The following FIG4 variants were observed in gnomAD, a reference collection of about 807,000 sequenced individuals.
The protein encoded by FIG4 is FIG4 phosphoinositide 5-phosphatase, also known as polyphosphoinositide phosphatase.
FIG4 carries 112 observed loss-of-function variants against 118.6 expected under a neutral mutation model. That is an observed-to-expected ratio of 0.94 (90% confidence interval 0.81 to 1.11). FIG4 has a LOEUF of 1.11. Ranked by LOEUF, FIG4 falls within the 50% of genes least tolerant of loss-of-function variation. FIG4 has a pLI of 0.00. For synonymous variants in FIG4, 369 were observed against 381.2 expected, an observed-to-expected ratio of 0.97 and a Z score of 0.37; for missense variants, 969 against 1,111.7, an observed-to-expected ratio of 0.87 and a Z score of 1.83.
At chr6:109,774,805 T>A (rs1777571080) in intron 15 of FIG4, among the ~76,000 whole-genome samples, 1 of 152,196 alleles carries the variant, frequency 6.6e-6, no homozygotes, top group African/African-American at 2.4e-5. Context: ...GGTATTTATT[T>A]CAATGTCTGA....
At chr6:109,693,707 CT>C (rs1217044618) in intron 1 of FIG4, among the ~76,000 whole-genome samples, 1 of 152,130 alleles carries the variant, frequency 6.6e-6, no homozygotes, top group African/African-American at 2.4e-5. Context: ...TTATCATCCC[CT>C]GAGTGGACAA....
intron 21 of FIG4, among the ~76,000 whole-genome samples, chr6:109,793,448 G>A (rs1053525330): frequency 2.6e-5 from 4 of 152,192 alleles, no homozygotes; most frequent in African/African-American, 7.2e-5. Flanking sequence ...GAAATCATGT[G>A]CATAATTTCG....
chr6:109,756,180 T>G (rs1458914984), intron 10 of FIG4, among the ~76,000 whole-genome samples: 1 of 152,168 alleles, frequency 6.6e-6, no homozygotes, highest in Non-Finnish European at 1.5e-5. Context: ...GTATTTTATT[T>G]CTCCTTTACT....
At position 109,791,351 on chromosome 6, in the gene FIG4, CACTTCCATATTATT is replaced by C; in HGVS notation, c.2181-24_2181-11del. 6.3e-7 allele frequency: 1 copy of C among 1,596,680 alleles called. No individual in the cohort carries two copies. Among genetic ancestry groups the C allele is most frequent in the Non-Finnish European group, 8.6e-7 (1 of 1,167,720 alleles). On this transcript the variant is annotated splice_polypyrimidine_tract_variant and intron_variant, in intron 19 of 22. Transcript: ENST00000230124. ...GTTGAGGGTTAGTTTAAAGATGCTT[CACTTCCATATTATT>C]CTTTTAAAAGAAACAAAAGCAATAG... is the stretch of plus-strand genomic sequence containing the variant.
chr6:109,692,644 C>G (rs1413892711), intron 1 of FIG4, among the ~76,000 whole-genome samples: 4 of 151,998 alleles, frequency 2.6e-5, no homozygotes, highest in Admixed American at 6.5e-5. Context: ...GAAATGAAAC[C>G]TATTTTCTGT....
At chr6:109,709,635 C>CT (rs1166142228) in intron 1 of FIG4, among the ~76,000 whole-genome samples, 1 of 152,150 alleles carries the variant, frequency 6.6e-6, no homozygotes, top group Non-Finnish European at 1.5e-5. Flanking sequence ...TCTCTGATTT[C>CT]TTTGAGCAGT....
intron 1 of FIG4, among the ~76,000 whole-genome samples, chr6:109,695,560 A>G (rs77848403): frequency 0.021 from 3,164 of 150,378 alleles, 99 homozygotes; most frequent in African/African-American, 0.075. Context: ...CAGAAAGTCA[A>G]CGAGCAAAAT....
chr6:109,707,417 CTATACATA>C (rs1193708418), intron 1 of FIG4, among the ~76,000 whole-genome samples: 3 of 144,788 alleles, frequency 2.1e-5, no homozygotes, highest in Admixed American at 6.9e-5. Context: ...ACATATATAC[CTATACATA>C]TATACATATA....
chr6:109,708,070 G>A (rs1775144383), intron 1 of FIG4, among the ~76,000 whole-genome samples: 1 of 149,406 alleles, frequency 6.7e-6, no homozygotes, highest in South Asian at 2.1e-4. Context: ...ATGGGGGTTT[G>A]TTGTACAGAT....
At chr6:109,756,524 CAG>C (rs1562665447) in intron 10 of FIG4, among the ~76,000 whole-genome samples, 3 of 152,298 alleles carry the variant, frequency 2.0e-5, no homozygotes, top group East Asian at 1.9e-4. Flanking sequence ...TAATATCCTG[CAG>C]AGTGTTTTCC....
At chr6:109,791,256 C>T (rs1778126861) in intron 19 of FIG4, 120 bp from the exon 20 acceptor site, 2 of 837,352 alleles carry the variant, frequency 2.4e-6, no homozygotes, top group African/African-American at 3.4e-5. Flanking sequence ...AATCCAGAAA[C>T]TAGTGTCACA....
At chr6:109,720,735 C>G (rs186649022) in intron 3 of FIG4, among the ~76,000 whole-genome samples, 1 of 152,252 alleles carries the variant, frequency 6.6e-6, no homozygotes, top group African/African-American at 2.4e-5. Flanking sequence ...TTTCACGGGC[C>G]GGTTCTGAAA....
chr6:109,789,253 T>C (rs535077904), intron 18 of FIG4, among the ~76,000 whole-genome samples: 2 of 152,370 alleles, frequency 1.3e-5, no homozygotes, highest in African/African-American at 4.8e-5. Context: ...AACACTGTTA[T>C]AGTAGATGAT....
At chr6:109,784,133 C>CT (rs1001794296) in intron 16 of FIG4, among the ~76,000 whole-genome samples, 1 of 152,006 alleles carries the variant, frequency 6.6e-6, no homozygotes, top group Non-Finnish European at 1.5e-5. Flanking sequence ...GCTATAGGCT[C>CT]TTTTTTTAAT....
chr6:109,713,372 C>T (rs1201617470), intron 1 of FIG4, among the ~76,000 whole-genome samples: 1 of 152,192 alleles, frequency 6.6e-6, no homozygotes, highest in African/African-American at 2.4e-5. Context: ...CCTGTTAGCA[C>T]AGGGGCAGGG....
chr6:109,762,576 C>T (rs767369067), intron 12 of FIG4, among the ~76,000 whole-genome samples: 23 of 149,316 alleles, frequency 1.5e-4, no homozygotes, highest in Non-Finnish European at 2.5e-4. Context: ...TATAGTTATT[C>T]GCTCACAAAT....
intron 10 of FIG4, among the ~76,000 whole-genome samples, chr6:109,759,471 ATGT>A (rs1001930379): frequency 6.6e-6 from 1 of 152,186 alleles, no homozygotes; most frequent in African/African-American, 2.4e-5. Flanking sequence ...TCTCACATTG[ATGT>A]TGTAAGGAAG....
chr6:109,739,503 T>G (rs1583667468), intron 7 of FIG4, among the ~76,000 whole-genome samples: 1 of 152,128 alleles, frequency 6.6e-6, no homozygotes, highest in East Asian at 1.9e-4. Context: ...GGATTTGTAT[T>G]TTTCTTAGTT....
chr6:109,824,150 C>A (rs1394519395), intron 22 of FIG4, among the ~76,000 whole-genome samples: 1 of 152,182 alleles, frequency 6.6e-6, no homozygotes, highest in Non-Finnish European at 1.5e-5. Flanking sequence ...AAATTTTAAG[C>A]CTGTGGCAGC....
Sources: gnomAD v4.1 joint callset for allele counts (sites outside exome capture counted in the v4.1 genomes callset) on GRCh38, gnomAD v4.1.1 for gene constraint, MANE v1.5 for transcripts, NCBI Gene and HGNC (gene_info 2026-07-23, HGNC 2026-07-21) for gene names.